SLC50A1: variants seen among roughly 807,000 people sequenced by gnomAD.
SLC50A1 encodes the protein solute carrier family 50 member 1.
A neutral mutation model predicts 28.9 loss-of-function variants in SLC50A1; 22 were observed. The observed-to-expected ratio is 0.76, with a 90% CI of 0.54 to 1.09. The LOEUF (loss-of-function observed/expected upper bound fraction) is 1.09, where lower values mean the gene tolerates loss of function less well. SLC50A1 is among the 50% of genes least tolerant of loss of function. The pLI, the probability that SLC50A1 is intolerant of heterozygous loss-of-function variation, is 0.00. For missense variants in SLC50A1, 233 were observed against 273.4 expected, an observed-to-expected ratio of 0.85 and a Z score of 1.04; for synonymous variants, 96 against 110.6, an observed-to-expected ratio of 0.87 and a Z score of 0.83.
chr1:155,135,628 C>A, upstream of SLC50A1: 1 of 1,550,286 alleles, frequency 6.5e-7, no homozygotes, highest in East Asian at 2.4e-5. Context: ...CGGCAGGTAT[C>A]GGGGACACAC....
rs1226955659 is a variant in SLC50A1, at chr1:155,137,582, G to A, written c.304G>A (p.Ala102Thr). Residue 102 changes from alanine to threonine, a missense_variant, in exon 4 of 6, where the codon GCA becomes ACA. By Grantham distance (58) the Ala-to-Thr change is moderately conservative (BLOSUM62 0). Transcript: ENST00000368404. ...GCAGCGTGTTGTGCTCCTACAGACTGCAACCCTGCTAGGGGTCCTTCTCCT... is the reference window on the plus strand; with the variant it reads ...GCAGCGTGTTGTGCTCCTACAGACTACAACCCTGCTAGGGGTCCTTCTCCT... ...PRKRVVLLQT[A>T]TLLGVLLLGY... 3 of 1,613,970 alleles carry A rather than the reference G, an allele frequency of 1.9e-6. No homozygotes were observed. Among genetic ancestry groups the A allele is most frequent in the African/African-American group, 1.3e-5 (1 of 74,906 alleles).
In SLC50A1 at chr1:155,135,953, A is replaced by G. The variant is rs1250124169; in HGVS notation, c.42A>G (p.Ala14=). ...GGFLDSLIYG[A]CVVFTLGMFS... ...TTCTGGACTCGCTCATTTACGGAGC[A>G]TGCGTGGTCTTCACCCTTGGCATGT... Residue 14 remains alanine (A), a synonymous_variant, in exon 1 of 6, where the codon GCA becomes GCG. Coordinates refer to ENST00000368404, the MANE Select transcript of SLC50A1 (RefSeq NM_018845.4). The G allele has an allele frequency of 1.2e-6, 2 of 1,614,000 alleles. No individual in the cohort carries two copies. The highest frequency in any genetic ancestry group is 1.6e-4 in the Middle Eastern group (1 of 6,082).
At chr1:155,135,601 A>G, upstream of SLC50A1, 1 of 1,550,052 alleles carries the variant, frequency 6.5e-7, no homozygotes, top group South Asian at 1.2e-5. Flanking sequence ...TCCAAGGGGT[A>G]GGCAGAGTGT....
intron 4 of SLC50A1, 76 bp downstream of exon 4, chr1:155,137,798 C>G (rs759657030): frequency 6.3e-7 from 1 of 1,589,856 alleles, no homozygotes; most frequent in South Asian, 1.1e-5. Context: ...CTTACAGTCC[C>G]GAGGAAGGGG....
At chr1:155,136,476 G>A (rs1288039416) in intron 2 of SLC50A1, 100 bp downstream of exon 2, 3 of 1,109,910 alleles carry the variant, frequency 2.7e-6, no homozygotes, top group East Asian at 5.1e-5. Context: ...GGGCGCGGTG[G>A]CTCACGCCTG....
upstream of SLC50A1, chr1:155,135,684 T>C (rs767100827): frequency 1.3e-6 from 2 of 1,550,286 alleles, no homozygotes; most frequent in Non-Finnish European, 1.7e-6. Flanking sequence ...GGAAGAGGTC[T>C]GGACCAGGGT....
Position 155,138,484 on chromosome 1 carries a change from AG to A in SLC50A1, c.*204del. The A allele has an allele frequency of 1.7e-6, 1 of 581,528 alleles. No individual in the cohort carries two copies. The highest frequency in any genetic ancestry group is 3.0e-6 in the Non-Finnish European group (1 of 332,778). 36.0% of individuals were successfully genotyped at this position (581,528 alleles called of 1,614,324 possible). Reference sequence around the variant, plus strand: ...GAGATGAAATCACTTTTTATTTTTTAGAGATTTTTTTTTTTAATTTTGGAGG... The same window carrying A: ...GAGATGAAATCACTTTTTATTTTTTAAGATTTTTTTTTTTAATTTTGGAGG... On this transcript the variant is annotated 3_prime_UTR_variant, in exon 6 of 6. Coordinates refer to ENST00000368404, the MANE Select transcript of SLC50A1 (RefSeq NM_018845.4).
intron 2 of SLC50A1, 67 bp downstream of exon 2, chr1:155,136,443 G>C (rs889771029): frequency 1.1e-4 from 159 of 1,477,796 alleles, no homozygotes; most frequent in South Asian, 1.4e-4. Flanking sequence ...GGCAGGAGGA[G>C]CAAGAGTGAA....
Position 155,138,381 on chromosome 1 carries a change from G to C in SLC50A1, c.*100G>C. ...CTGTCCAGCTTCCCAGGTGCAGTGG[G>C]TTGTGGGAACAAGAGATGACTTTGA... On this transcript the variant is annotated 3_prime_UTR_variant, in exon 6 of 6. Coordinates refer to ENST00000368404, the MANE Select transcript of SLC50A1 (RefSeq NM_018845.4). The C allele has an allele frequency of 1.8e-6, 2 of 1,103,208 alleles. No homozygotes were observed. Among genetic ancestry groups the C allele is most frequent in the Non-Finnish European group, 2.7e-6 (2 of 747,686 alleles). 68.3% of individuals were successfully genotyped at this position (1,103,208 alleles called of 1,614,324 possible).
rs1664424227 is a variant in SLC50A1, at chr1:155,135,948, G to C, written c.37G>C (p.Gly13Arg). The C allele has an allele frequency of 6.2e-7, 1 of 1,614,104 alleles. No individual in the cohort carries two copies. The highest frequency in any genetic ancestry group is 8.5e-7 in the Non-Finnish European group (1 of 1,180,024). ...CGGCTTTCTGGACTCGCTCATTTAC[G>C]GAGCATGCGTGGTCTTCACCCTTGG... ...AGGFLDSLIY[G>R]ACVVFTLGMF... The change falls in exon 1 of 6, where the codon GGA becomes CGA. Residue 13 changes from glycine to arginine, a missense_variant. Physicochemically the swap from Gly to Arg is moderately radical, Grantham distance 125 (BLOSUM62 -2). Transcript: ENST00000368404.
In SLC50A1 at chr1:155,136,817, C is replaced by T. The variant is rs768560530; in HGVS notation, c.159-11C>T. ...ACCCTTTGAGCCATGTCCATCCCCT[C>T]CACCCTGCAGCAACCTGGGCTGGCT... is the stretch of plus-strand genomic sequence containing the variant. On this transcript the variant is annotated splice_polypyrimidine_tract_variant and intron_variant, in intron 2 of 5. Transcript: ENST00000368404. 2.1e-5 allele frequency: 34 copies of T among 1,614,036 alleles called. No homozygotes were observed. Among genetic ancestry groups the T allele is most frequent in the African/African-American group, 1.3e-5 (1 of 74,930 alleles).
chr1:155,136,915 G>A lies in SLC50A1; in HGVS notation c.246G>A (p.Leu82=). 6.2e-7 allele frequency: 1 copy of A among 1,614,216 alleles called. No homozygotes were observed. Among genetic ancestry groups the A allele is most frequent in the Non-Finnish European group, 8.5e-7 (1 of 1,180,032 alleles). ...CAGTGGGTGCTGCGCTTCAGACCCT[G>A]TATATCTTGGCATATCTGCATTACT... ...VNTVGAALQT[L]YILAYLHYCP... is the part of the protein sequence containing the mutation. Residue 82 remains leucine, a synonymous_variant, in exon 3 of 6, where the codon CTG becomes CTA. Coordinates refer to ENST00000368404, the MANE Select transcript of SLC50A1 (RefSeq NM_018845.4).
In SLC50A1 at chr1:155,138,003, A is replaced by G; in HGVS notation, c.469A>G (p.Thr157Ala). The G allele has an allele frequency of 1.2e-6, 2 of 1,614,092 alleles. No homozygotes were observed. The highest frequency in any genetic ancestry group is 1.7e-6 in the Non-Finnish European group (2 of 1,180,034). The change falls in exon 5 of 6, where the codon ACC becomes GCC. Residue 157 changes from threonine (T) to alanine (A), a missense_variant. Coordinates refer to ENST00000368404, the MANE Select transcript of SLC50A1 (RefSeq NM_018845.4). Reference protein sequence around the residue: ...DLAKVIQTKSTQCLSYPLTIA... With the variant: ...DLAKVIQTKSAQCLSYPLTIA... ...GGCTAAGGTGATTCAAACTAAATCAACCCAATGTCTCTCCTACCCACTCAC... is the reference window on the plus strand; with the variant it reads ...GGCTAAGGTGATTCAAACTAAATCAGCCCAATGTCTCTCCTACCCACTCAC...
upstream of SLC50A1, chr1:155,135,702 AGG>A: frequency 6.5e-7 from 1 of 1,550,040 alleles, no homozygotes. Context: ...GGTACTGGGA[AGG>A]CGCTCGGAGG....
chr1:155,137,548 C>T lies in SLC50A1; in HGVS notation c.283-13C>T. The T allele has an allele frequency of 6.2e-7, 1 of 1,613,698 alleles. No homozygotes were observed. The highest frequency in any genetic ancestry group is 1.1e-5 in the South Asian group (1 of 91,058). Reference sequence around the variant, plus strand: ...GTGCACATCTGGAAGTAAGGGTACTCTCTCCCCTGCAGCGTGTTGTGCTCC... The same window carrying T: ...GTGCACATCTGGAAGTAAGGGTACTTTCTCCCCTGCAGCGTGTTGTGCTCC... On this transcript the variant is annotated splice_polypyrimidine_tract_variant and intron_variant, in intron 3 of 5. Transcript: ENST00000368404.
chr1:155,135,664 A>C (rs1454653192), upstream of SLC50A1: 2 of 1,550,290 alleles, frequency 1.3e-6, no homozygotes, highest in Middle Eastern at 1.7e-4. Flanking sequence ...AAGGGGACTG[A>C]CCGGGACATG....
At position 155,138,012 on chromosome 1, in the gene SLC50A1, C is replaced by G; in HGVS notation, c.478C>G (p.Leu160Val). The G allele has an allele frequency of 6.2e-7, 1 of 1,614,176 alleles. No homozygotes were observed. Among genetic ancestry groups the G allele is most frequent in the Non-Finnish European group, 8.5e-7 (1 of 1,180,032 alleles). Reference protein sequence around the residue: ...KVIQTKSTQCLSYPLTIATLL... With the variant: ...KVIQTKSTQCVSYPLTIATLL... ...GATTCAAACTAAATCAACCCAATGT[C>G]TCTCCTACCCACTCACCATTGCTAC... The change falls in exon 5 of 6, where the codon CTC (leucine) becomes GTC (valine). Residue 160 changes from leucine to valine, a missense_variant. Physicochemically the swap from Leu to Val is conservative, Grantham distance 32 (BLOSUM62 1). Coordinates refer to ENST00000368404, the MANE Select transcript of SLC50A1 (RefSeq NM_018845.4).
chr1:155,136,052 G>T, intron 1 of SLC50A1, 61 bp downstream of exon 1: 1 of 1,584,862 alleles, frequency 6.3e-7, no homozygotes. Context: ...AGAGAGAGGG[G>T]ACAGAGACGT....
At chr1:155,137,067 C>T in intron 3 of SLC50A1, 116 bp downstream of exon 3, 3 of 1,371,682 alleles carry the variant, frequency 2.2e-6, no homozygotes, top group Non-Finnish European at 2.0e-6. Context: ...CCAGGAAGGC[C>T]TCTCCAGCCT....
Sources: allele counts gnomAD v4.1 joint callset, GRCh38; gene constraint gnomAD v4.1.1; transcripts MANE v1.5; gene names NCBI Gene and HGNC (gene_info 2026-07-23, HGNC 2026-07-21).